STOML3: variants seen among roughly 807,000 people sequenced by gnomAD.
STOML3 encodes stomatin-like protein 3.
A neutral mutation model predicts 29.5 loss-of-function variants in STOML3; 31 were observed. The observed-to-expected ratio is 1.05, with a 90% CI of 0.79 to 1.42. STOML3 has a LOEUF of 1.42. STOML3 is among the 40% of genes most tolerant of loss of function. The probability of loss-of-function intolerance (pLI) is 0.00; values close to 1 mark genes in which losing one functional copy is unlikely to be tolerated. For synonymous variants in STOML3, 122 were observed against 139.8 expected (o/e 0.87, Z 0.90); for missense variants, 380 against 363.0 (o/e 1.05, Z -0.38).
At chr13:38,985,911 CT>C (rs1170409048) in intron 1 of STOML3, among the ~76,000 whole-genome samples, 147 of 85,598 alleles carry the variant, frequency 1.7e-3, no homozygotes, top group African/African-American at 5.7e-3. Context: ...TCTTTTCTTT[CT>C]TTTTTTTTTT....
At chr13:38,972,118 G>A (rs921199741) in intron 4 of STOML3, among the ~76,000 whole-genome samples, 4 of 152,098 alleles carry the variant, frequency 2.6e-5, no homozygotes, top group African/African-American at 9.7e-5. Context: ...AGAGAGGGTG[G>A]TATCAAAACC....
chr13:38,988,516 TCA>T (rs1449789394), intron 1 of STOML3, among the ~76,000 whole-genome samples: 1 of 101,158 alleles, frequency 9.9e-6, no homozygotes, highest in East Asian at 2.9e-4. Flanking sequence ...ATATTTTATA[TCA>T]TATATTTTAT....
At chr13:38,975,878 CA>C (rs1881056527) in intron 3 of STOML3, among the ~76,000 whole-genome samples, 1 of 151,984 alleles carries the variant, frequency 6.6e-6, no homozygotes, top group Admixed American at 6.6e-5. Context: ...TTTTCTTTTT[CA>C]AGGTGGTAAA....
chr13:38,978,186 T>G (rs944686272), intron 1 of STOML3, among the ~76,000 whole-genome samples: 1 of 145,188 alleles, frequency 6.9e-6, no homozygotes, highest in Non-Finnish European at 1.5e-5. Flanking sequence ...CAGAGTCTCA[T>G]TCTGTCGCCC....
At chr13:38,980,568 TG>T (rs1177519333) in intron 1 of STOML3, among the ~76,000 whole-genome samples, 9 of 152,226 alleles carry the variant, frequency 5.9e-5, no homozygotes, top group Admixed American at 3.3e-4. Flanking sequence ...AACACCTTTT[TG>T]GTCACTAAGT....
chr13:38,982,177 A>G (rs1234572576), intron 1 of STOML3, among the ~76,000 whole-genome samples: 3 of 152,086 alleles, frequency 2.0e-5, no homozygotes, highest in African/African-American at 4.8e-5. Flanking sequence ...CAGCTTGACT[A>G]AATTTTAGAC....
At chr13:38,981,391 T>C (rs1314661145) in intron 1 of STOML3, among the ~76,000 whole-genome samples, 2 of 152,164 alleles carry the variant, frequency 1.3e-5, no homozygotes, top group East Asian at 3.8e-4. Flanking sequence ...CAAGGCAAGA[T>C]TGGCTACTTG....
intron 1 of STOML3, among the ~76,000 whole-genome samples, chr13:38,982,258 A>G (rs1242427354): frequency 6.6e-6 from 1 of 151,970 alleles, no homozygotes; most frequent in Non-Finnish European, 1.5e-5. Context: ...AAAAATAATA[A>G]TAATAAAACA....
At position 38,966,080 on chromosome 13, in the gene STOML3, G is replaced by A. The variant is rs1880630953; in HGVS notation, c.*745C>T. The stretch of plus-strand genomic sequence containing the variant: ...AGTGAAAACATGAAATCCCCAGGGT[G>A]ATGCTCCTCAGTGGTTTCAACCAAT... On this transcript the variant is annotated 3_prime_UTR_variant, in exon 7 of 7. Transcript: ENST00000379631. The A allele has an allele frequency of 6.6e-6, 1 of 152,208 alleles. No individual in the cohort carries two copies. The highest frequency in any genetic ancestry group is 1.9e-4 in the East Asian group (1 of 5,198). 9.4% of individuals were successfully genotyped at this position (152,208 alleles called of 1,614,324 possible). A position where few individuals can be genotyped will look rare whatever the true frequency, so the allele number is the denominator to read the frequency against.
At chr13:38,982,960 ATCTG>A (rs1593506410) in intron 1 of STOML3, among the ~76,000 whole-genome samples, 1 of 152,050 alleles carries the variant, frequency 6.6e-6, no homozygotes, top group African/African-American at 2.4e-5. Context: ...ATTTTCCCCT[ATCTG>A]TCTGTTACCT....
At chr13:38,986,093 G>A in intron 1 of STOML3, among the ~76,000 whole-genome samples, 1 of 107,346 alleles carries the variant, frequency 9.3e-6, no homozygotes, top group African/African-American at 3.7e-5. Context: ...TCACTCTGTT[G>A]CCCCTGGACA....
In STOML3 at chr13:38,966,655, C is replaced by CT. The variant is rs1316697053; in HGVS notation, c.*169dup. The CT allele has an allele frequency of 7.1e-6, 4 of 561,110 alleles. No individual in the cohort carries two copies. The highest frequency in any genetic ancestry group is 2.9e-5 in the East Asian group (1 of 34,668). The allele number at this position is 561,110 out of a possible 1,614,324, so 34.8% of individuals were successfully genotyped here. A position where few individuals can be genotyped will look rare whatever the true frequency, so the allele number is the denominator to read the frequency against. On this transcript the variant is annotated 3_prime_UTR_variant, in exon 7 of 7. Transcript: ENST00000379631. ...GTAATATACAGGTCTCATTTTTGCT[C>CT]TTTTTTTCTTCTCTGTATAGCCTCT...
chr13:38,973,096 T>TAAAAAAA (rs71074495), intron 3 of STOML3, among the ~76,000 whole-genome samples: 3 of 32,574 alleles, frequency 9.2e-5, no homozygotes, highest in African/African-American at 2.5e-4. Flanking sequence ...CCGTCTCTAC[T>TAAAAAAA]AAAAAAAAAA....
chr13:38,989,826 C>A (rs530346225), intron 1 of STOML3, among the ~76,000 whole-genome samples: 1 of 152,126 alleles, frequency 6.6e-6, no homozygotes, highest in South Asian at 2.1e-4. Context: ...ATTAGTAATG[C>A]CAAACGTGTT....
intron 3 of STOML3, among the ~76,000 whole-genome samples, chr13:38,973,232 A>C (rs1880954078): frequency 1.3e-5 from 2 of 152,004 alleles, no homozygotes; most frequent in Admixed American, 1.3e-4. Flanking sequence ...CAGTGAGCCA[A>C]GATCGTGCCA....
Position 38,968,404 on chromosome 13 carries a change from G to T in STOML3, c.647C>A (p.Ala216Asp). ...AEAEATREAR[A>D]KVLAAEGEMN... ...TGTGAACTGCACAACACTTACCTTG[G>T]CTCTCGCTTCCCGGGTGGCCTCAGC... The change falls in exon 6 of 7, where the codon GCC (alanine) becomes GAC (aspartate). Residue 216 changes from alanine to aspartate, a missense_variant. Physicochemically the swap from Ala to Asp is moderately radical, Grantham distance 126. Coordinates refer to ENST00000379631, the MANE Select transcript of STOML3 (RefSeq NM_145286.3). 1 of 1,614,048 alleles carries T rather than the reference G, an allele frequency of 6.2e-7. No individual in the cohort carries two copies. The highest frequency in any genetic ancestry group is 8.5e-7 in the Non-Finnish European group (1 of 1,180,000).
chr13:38,967,851 T>G (rs779932452), intron 6 of STOML3, among the ~76,000 whole-genome samples: 1 of 152,188 alleles, frequency 6.6e-6, no homozygotes, highest in African/African-American at 2.4e-5. Flanking sequence ...AAAGTCAGAA[T>G]CTCAACAGAT....
intron 1 of STOML3, among the ~76,000 whole-genome samples, chr13:38,984,430 G>C (rs879414303): frequency 6.6e-6 from 1 of 152,074 alleles, no homozygotes; most frequent in Non-Finnish European, 1.5e-5. Context: ...TTCTAATACA[G>C]TCACATACCA....
At chr13:38,986,836 T>C (rs904695790) in intron 1 of STOML3, among the ~76,000 whole-genome samples, 5 of 152,092 alleles carry the variant, frequency 3.3e-5, no homozygotes, top group Non-Finnish European at 7.4e-5. Flanking sequence ...ATGCAAAATC[T>C]TAAGCCCAGA....
Sources: allele counts gnomAD v4.1 joint callset (sites outside exome capture counted in the v4.1 genomes callset), GRCh38; gene constraint gnomAD v4.1.1; transcripts MANE v1.5; gene names NCBI Gene and HGNC (gene_info 2026-07-23, HGNC 2026-07-21).